SETD2: variants seen among roughly 807,000 people sequenced by gnomAD.
The protein encoded by SETD2 is SET domain containing 2, histone lysine methyltransferase, also known as histone-lysine N-methyltransferase SETD2.
Under a neutral mutation model 242.1 loss-of-function variants are expected in SETD2, and 31 were observed. The observed-to-expected ratio is 0.13, with a 90% CI of 0.10 to 0.17. The LOEUF (loss-of-function observed/expected upper bound fraction) is 0.17. Ranked by LOEUF, SETD2 falls within the 10% of genes least tolerant of loss-of-function variation. The probability of loss-of-function intolerance (pLI) is 1.00; values close to 1 mark genes in which losing one functional copy is unlikely to be tolerated. For missense variants in SETD2, 2,481 were observed against 3,046.3 expected (o/e 0.81, Z 4.37); for synonymous variants, 1,006 against 1,066.5 (o/e 0.94, Z 1.11).
intron 15 of SETD2, among the ~76,000 whole-genome samples, chr3:47,055,821 G>T (rs1398459202): frequency 6.6e-6 from 1 of 151,572 alleles, no homozygotes; most frequent in Non-Finnish European, 1.5e-5. Context: ...GACCATCCTG[G>T]CTAACACGGC....
intron 13 of SETD2, among the ~76,000 whole-genome samples, chr3:47,065,791 A>G (rs908629890): frequency 1.3e-4 from 20 of 152,148 alleles, no homozygotes; most frequent in Non-Finnish European, 1.5e-5. Flanking sequence ...ATGACAGAAT[A>G]AGACACTGTC....
intron 19 of SETD2, 131 bp downstream of exon 19, chr3:47,019,629 T>C: frequency 1.3e-6 from 1 of 745,244 alleles, no homozygotes; most frequent in South Asian, 1.7e-5. Flanking sequence ...CAGCAAGACA[T>C]ACACACAAGG....
intron 13 of SETD2, among the ~76,000 whole-genome samples, chr3:47,063,988 GAA>G (rs5848823): frequency 1.3e-5 from 2 of 149,148 alleles, no homozygotes; most frequent in African/African-American, 2.5e-5. Context: ...ATCTCGGGAG[GAA>G]AAAAAAAAAC....
At chr3:47,089,854 GA>G (rs1381484574) in intron 9 of SETD2, among the ~76,000 whole-genome samples, 1 of 152,166 alleles carries the variant, frequency 6.6e-6, no homozygotes, top group Non-Finnish European at 1.5e-5. Flanking sequence ...AAGTAGTGGG[GA>G]AAAGTGTGAA....
chr3:47,042,568 T>C lies in SETD2; in HGVS notation c.7231A>G (p.Ile2411Val). The stretch of plus-strand genomic sequence containing the variant: ...CCATACAGCTCCTCTTACCTTGTGA[T>C]CACATGGTAGTAATAAATCTTCCCT... ...PEGKIYYYHVITRQTQWDPPT... is the reference protein window; with the variant it reads ...PEGKIYYYHVVTRQTQWDPPT... The change falls in exon 17 of 21, where the codon ATC becomes GTC. Residue 2411 changes from isoleucine to valine, a missense_variant. Ile to Val is a conservative substitution (Grantham distance 29, BLOSUM62 3). Coordinates refer to ENST00000409792, the MANE Select transcript of SETD2 (RefSeq NM_014159.7). 1 of 1,614,108 alleles carries C rather than the reference T, an allele frequency of 6.2e-7. No homozygotes were observed. The highest frequency in any genetic ancestry group is 8.5e-7 in the Non-Finnish European group (1 of 1,179,998).
At position 47,123,125 on chromosome 3, in the gene SETD2, A is replaced by G. The variant is rs986199418; in HGVS notation, c.1511T>C (p.Met504Thr). The change falls in exon 3 of 21, where the codon ATG (methionine) becomes ACG (threonine). Residue 504 changes from methionine (M) to threonine (T), a missense_variant. Physicochemically the swap from Met to Thr is moderately conservative, Grantham distance 81. Around this residue, in one of 17 missense-constraint regions of SETD2, gnomAD observed 1,300 missense variants for 1,259.2 expected, o/e 1.03. Coordinates refer to ENST00000409792, the MANE Select transcript of SETD2 (RefSeq NM_014159.7). ...TGAAGAATACTTGCCTCTTCTTTCC[A>G]TCTCTAAGTAAGAGGTCTCAGTTTT... ...DCKTETSYLE[M>T]ERRGKYSSKL... The G allele has an allele frequency of 3.7e-6, 6 of 1,613,396 alleles. No individual in the cohort carries two copies. Among genetic ancestry groups the G allele is most frequent in the African/African-American group, 1.3e-5 (1 of 74,886 alleles).
rs559297864 is a variant in SETD2, at chr3:47,088,255, A to G, written c.5143-8T>C. The G allele has an allele frequency of 6.3e-7, 1 of 1,589,042 alleles. No individual in the cohort carries two copies. Among genetic ancestry groups the G allele is most frequent in the East Asian group, 2.2e-5 (1 of 44,786 alleles). ...TTCTAGCTCTCCATCCACCTACCACAGCAAATAAAAATACCTTTTTATAAA... is the reference window on the plus strand; with the variant it reads ...TTCTAGCTCTCCATCCACCTACCACGGCAAATAAAAATACCTTTTTATAAA... On this transcript the variant is annotated splice_region_variant and splice_polypyrimidine_tract_variant and intron_variant, in intron 9 of 20. Coordinates refer to ENST00000409792, the MANE Select transcript of SETD2 (RefSeq NM_014159.7).
chr3:47,051,962 C>T (rs2039864059), intron 15 of SETD2, among the ~76,000 whole-genome samples: 1 of 152,166 alleles, frequency 6.6e-6, no homozygotes, highest in South Asian at 2.1e-4. Flanking sequence ...TTTAGAAGAA[C>T]ACTTCCAAAT....
At chr3:47,104,929 G>A (rs969400831) in intron 6 of SETD2, among the ~76,000 whole-genome samples, 1 of 152,076 alleles carries the variant, frequency 6.6e-6, no homozygotes, top group African/African-American at 2.4e-5. Flanking sequence ...AACCATGCCC[G>A]GTTAATTTTT....
chr3:47,082,638 T>C (rs1264368962), intron 12 of SETD2, among the ~76,000 whole-genome samples: 1 of 152,238 alleles, frequency 6.6e-6, no homozygotes, highest in Non-Finnish European at 1.5e-5. Flanking sequence ...GCTGACTTTA[T>C]ACTGAATTGT....
intron 18 of SETD2, among the ~76,000 whole-genome samples, chr3:47,032,936 T>G (rs1302512181): frequency 2.0e-5 from 3 of 152,062 alleles, no homozygotes; most frequent in African/African-American, 7.2e-5. Context: ...AAGCCATCCT[T>G]AAAGACTGAA....
At chr3:47,099,121 T>C (rs529356520) in intron 8 of SETD2, among the ~76,000 whole-genome samples, 1 of 152,304 alleles carries the variant, frequency 6.6e-6, no homozygotes, top group East Asian at 1.9e-4. Context: ...GTTTAAGACA[T>C]GAAGCATGTA....
At chr3:47,130,041 T>C (rs2043441841) in intron 1 of SETD2, among the ~76,000 whole-genome samples, 1 of 152,088 alleles carries the variant, frequency 6.6e-6, no homozygotes, top group Non-Finnish European at 1.5e-5. Flanking sequence ...CTGCCCAAAG[T>C]TGGACATTAC....
chr3:47,037,219 T>C (rs1193262566), intron 18 of SETD2, among the ~76,000 whole-genome samples: 2 of 151,202 alleles, frequency 1.3e-5, no homozygotes, highest in Non-Finnish European at 2.9e-5. Context: ...CATGTTGGTG[T>C]ACTGCACCCA....
At position 47,097,962 on chromosome 3, in the gene SETD2, T is replaced by G. The variant is rs1344050600; in HGVS notation, c.5135A>C (p.Lys1712Thr). 6.2e-7 allele frequency: 1 copy of G among 1,613,694 alleles called. No homozygotes were observed. Residue 1712 changes from lysine to threonine, a missense_variant, in exon 9 of 21, where the codon AAG (lysine) becomes ACG (threonine). Transcript: ENST00000409792. ...AGAAAAATGCAAACTTACTGAATCC[T>G]TCTTACGAGATCGTTCCTTCTTCAT... ...GKMKKERSRK[K>T]DSVDGELEAL...
At chr3:47,052,469 G>A (rs866652026) in intron 15 of SETD2, among the ~76,000 whole-genome samples, 8 of 152,042 alleles carry the variant, frequency 5.3e-5, no homozygotes, top group East Asian at 3.9e-4. Flanking sequence ...CACCACGCCC[G>A]GCTGAAAAAC....
chr3:47,047,032 C>T, intron 15 of SETD2: 1 of 153,748 alleles, frequency 6.5e-6, no homozygotes, highest in Non-Finnish European at 1.4e-5. Context: ...GCTTTTGCTA[C>T]CAACTTGTAA....
chr3:47,148,406 C>G (rs1050541195), intron 1 of SETD2, among the ~76,000 whole-genome samples: 1 of 152,092 alleles, frequency 6.6e-6, no homozygotes, highest in Non-Finnish European at 1.5e-5. Context: ...GCTCGGATTA[C>G]AGACATGAGC....
At chr3:47,063,498 C>T (rs1468617799) in intron 13 of SETD2, among the ~76,000 whole-genome samples, 7 of 151,932 alleles carry the variant, frequency 4.6e-5, no homozygotes, top group Non-Finnish European at 8.8e-5. Flanking sequence ...AACCGACAAA[C>T]CAAAAAATCA....
Sources: allele counts gnomAD v4.1 joint callset (sites outside exome capture counted in the v4.1 genomes callset), GRCh38; gene constraint gnomAD v4.1.1; regional missense constraint gnomAD v4.1.1; transcripts MANE v1.5; gene names NCBI Gene and HGNC (gene_info 2026-07-23, HGNC 2026-07-21).